The following CDK2AP1 variants were observed in gnomAD, a reference collection of about 807,000 sequenced individuals.
CDK2AP1 encodes cyclin dependent kinase 2 associated protein 1.
In CDK2AP1, 10 loss-of-function variants were observed where a neutral mutation model predicts 14.1. That is an observed-to-expected ratio of 0.71 (90% CI 0.44 to 1.20). The LOEUF (loss-of-function observed/expected upper bound fraction) is 1.20, where lower values mean the gene tolerates loss of function less well. Ranked by LOEUF, CDK2AP1 falls within the 50% of genes most tolerant of loss-of-function variation. The pLI is 0.00. For synonymous variants in CDK2AP1, 59 were observed against 59.8 expected (o/e 0.99, Z 0.06); for missense variants, 102 against 149.9 (o/e 0.68, Z 1.67).
At chr12:123,267,091 CTCCT>C (rs1234996452) in intron 2 of CDK2AP1, 90 bp downstream of exon 2, 4 of 816,182 alleles carry the variant, frequency 4.9e-6, no homozygotes, top group Non-Finnish European at 8.6e-6. Flanking sequence ...ATCCTTTCTG[CTCCT>C]TCGTCTCTTC....
intron 1 of CDK2AP1, chr12:123,268,358 G>A (rs11057222): frequency 0.058 from 21,951 of 379,800 alleles, 711 homozygotes; most frequent in South Asian, 0.11. Flanking sequence ...AGGGCCTCAA[G>A]CTGGGGGAGC....
rs1293438643 is a variant in CDK2AP1 at position 123,267,271 on chromosome 12, G to A, written c.67C>T (p.His23Tyr). The A allele has an allele frequency of 3.7e-6, 6 of 1,609,690 alleles. No individual in the cohort carries two copies. Among genetic ancestry groups the A allele is most frequent in the African/African-American group, 1.3e-5 (1 of 74,806 alleles). Residue 23 changes from histidine to tyrosine, a missense_variant, in exon 2 of 4, where the codon CAC becomes TAC. Physicochemically the swap from His to Tyr is moderately conservative, Grantham distance 83. Coordinates refer to ENST00000261692, the MANE Select transcript of CDK2AP1 (RefSeq NM_004642.4). ...AAALNAAGSV[H>Y]SPSTSMATSS... ...GTTGCCATGCTGGTGGAAGGCGAGT[G>A]GACACTCCCAGCTGTGGGGTGGGGA...
chr12:123,270,869 C>T (rs2048347470), intron 1 of CDK2AP1: 1 of 985,236 alleles, frequency 1.0e-6, no homozygotes, highest in East Asian at 1.1e-4. Flanking sequence ...GCGCCAACTT[C>T]GTTCACTCCG....
intron 1 of CDK2AP1, chr12:123,267,495 C>T (rs1184456214): frequency 8.0e-6 from 4 of 502,080 alleles, no homozygotes; most frequent in East Asian, 7.4e-5. Flanking sequence ...CTGCAGCAGC[C>T]GCTGGTCCTC....
At chr12:123,268,246 C>T (rs1480133790) in intron 1 of CDK2AP1, 3 of 985,434 alleles carry the variant, frequency 3.0e-6, no homozygotes, top group Non-Finnish European at 3.6e-6. Context: ...GTGGGCGCCG[C>T]AGACTTGGCC....
chr12:123,272,197 A>T (rs2048360361), upstream of CDK2AP1: 1 of 152,200 alleles, frequency 6.6e-6, no homozygotes, highest in Non-Finnish European at 1.5e-5. Context: ...AAGCACGTAG[A>T]TCATTCCAGA....
intron 3 of CDK2AP1, among the ~76,000 whole-genome samples, chr12:123,264,318 G>C (rs774692042): frequency 7.2e-5 from 11 of 151,742 alleles, no homozygotes; most frequent in Non-Finnish European, 1.3e-4. Flanking sequence ...AAATTAGACA[G>C]GTGTGGTGGC....
chr12:123,271,686 G>C lies in CDK2AP1; in HGVS notation c.-68C>G. On this transcript the variant is annotated 5_prime_UTR_variant, in exon 1 of 4. Coordinates refer to ENST00000261692, the MANE Select transcript of CDK2AP1 (RefSeq NM_004642.4). ...GCGAGGGCGGCGGCGGCGGCGGCGA[G>C]GCCGGGCGGTAGCGCTGCAGCCCCG... The C allele has an allele frequency of 1.6e-6, 1 of 608,072 alleles. No homozygotes were observed. Among genetic ancestry groups the C allele is most frequent in the Non-Finnish European group, 2.0e-6 (1 of 488,068 alleles). 37.7% of individuals were successfully genotyped at this position (608,072 alleles called of 1,614,324 possible). A position where few individuals can be genotyped will look rare whatever the true frequency, so the allele number is the denominator to read the frequency against.
intron 1 of CDK2AP1, among the ~76,000 whole-genome samples, chr12:123,268,912 G>T (rs1239702564): frequency 6.6e-6 from 1 of 152,210 alleles, no homozygotes; most frequent in Non-Finnish European, 1.5e-5. Context: ...ACAGACCTGG[G>T]TTCTGATCCT....
At chr12:123,267,069 A>G in intron 2 of CDK2AP1, 116 bp downstream of exon 2, 1 of 731,700 alleles carries the variant, frequency 1.4e-6, no homozygotes, top group South Asian at 1.5e-5. Context: ...TGGGCTGAGA[A>G]AGCTCCGTCC....
intron 3 of CDK2AP1, among the ~76,000 whole-genome samples, chr12:123,264,640 G>A (rs573630991): frequency 3.3e-5 from 5 of 152,024 alleles, no homozygotes; most frequent in South Asian, 2.1e-4. Context: ...GAAATCAGAC[G>A]GACAGTCACA....
In CDK2AP1 at chr12:123,265,237, G is replaced by A. The variant is rs1430015827; in HGVS notation, c.239C>T (p.Thr80Met). ...CATGGCACTCTTGCTCCCTGCGTAC[G>A]TGGGTCTGATCTCCTTCCCCAGCTC... ...IEELGKEIRP[T>M]YAGSKSAMER... The change falls in exon 3 of 4, where the codon ACG becomes ATG. Residue 80 changes from threonine to methionine, a missense_variant. Around this residue, in one of 2 missense-constraint regions of CDK2AP1, gnomAD observed 52 missense variants for 107.2 expected, o/e 0.48. Coordinates refer to ENST00000261692, the MANE Select transcript of CDK2AP1 (RefSeq NM_004642.4). The surrounding 1 kb of genome is among the most constrained non-coding windows in gnomAD (Gnocchi z 5.3). The A allele has an allele frequency of 8.1e-6, 13 of 1,614,054 alleles. No individual in the cohort carries two copies. Among genetic ancestry groups the A allele is most frequent in the East Asian group, 4.5e-5 (2 of 44,898 alleles).
intron 1 of CDK2AP1, chr12:123,270,991 G>C (rs1301229688): frequency 2.0e-6 from 2 of 982,900 alleles, no homozygotes; most frequent in African/African-American, 3.5e-5. Context: ...ACCCCATCCT[G>C]GTCCCAGTCC....
chr12:123,262,908 T>C (rs762237126), intron 3 of CDK2AP1, among the ~76,000 whole-genome samples: 2 of 152,060 alleles, frequency 1.3e-5, no homozygotes, highest in Non-Finnish European at 2.9e-5. Context: ...CAAAATCATT[T>C]TTTTTTTCAA....
intron 1 of CDK2AP1, among the ~76,000 whole-genome samples, chr12:123,271,317 G>A (rs2048352015): frequency 6.8e-6 from 1 of 146,894 alleles, no homozygotes; most frequent in Non-Finnish European, 1.5e-5. Context: ...CGCAGCCGCC[G>A]GCGCGGGGGT....
At position 123,265,230 on chromosome 12, in the gene CDK2AP1, T is replaced by C; in HGVS notation, c.246A>G (p.Ala82=). 6.2e-7 allele frequency: 1 copy of C among 1,614,182 alleles called. No homozygotes were observed. The highest frequency in any genetic ancestry group is 8.5e-7 in the Non-Finnish European group (1 of 1,180,026). Reference sequence around the variant, plus strand: ...GCCTCTCCATGGCACTCTTGCTCCCTGCGTACGTGGGTCTGATCTCCTTCC... The same window carrying C: ...GCCTCTCCATGGCACTCTTGCTCCCCGCGTACGTGGGTCTGATCTCCTTCC... ...ELGKEIRPTY[A]GSKSAMERLK... Residue 82 remains alanine, a synonymous_variant, in exon 3 of 4, where the codon GCA becomes GCG. Coordinates refer to ENST00000261692, the MANE Select transcript of CDK2AP1 (RefSeq NM_004642.4). This position sits in a 1 kb window ranked among gnomAD's most constrained non-coding sequence, Gnocchi z 5.3.
rs2048353911 is a variant in CDK2AP1 at position 123,271,569 on chromosome 12, T to C, written c.50A>G (p.Asn17Ser). ...GTCGCACGCGGCTCACTCACCGGCG[T>C]TGAGGGCGGCGGCGGGCATGTGCGC... ...LAAHMPAAAL[N>S]AAGSVHSPST... is the part of the protein sequence containing the mutation. Residue 17 changes from asparagine (N) to serine (S), a missense_variant, in exon 1 of 4, where the codon AAC becomes AGC. Transcript: ENST00000261692. 3.0e-6 allele frequency: 3 copies of C among 1,008,062 alleles called. No individual in the cohort carries two copies. Among genetic ancestry groups the C allele is most frequent in the South Asian group, 8.6e-5 (2 of 23,210 alleles). 62.4% of individuals were successfully genotyped at this position (1,008,062 alleles called of 1,614,324 possible). A position where few individuals can be genotyped will look rare whatever the true frequency, so the allele number is the denominator to read the frequency against.
intron 1 of CDK2AP1, among the ~76,000 whole-genome samples, chr12:123,269,407 G>A (rs1336407863): frequency 2.0e-5 from 3 of 152,250 alleles, no homozygotes; most frequent in Non-Finnish European, 2.9e-5. Flanking sequence ...CGGGGGCGGG[G>A]GGGTGTCTAG....
rs937628969 is a variant in CDK2AP1 at position 123,261,565 on chromosome 12, G to A, written c.*171C>T. On this transcript the variant is annotated 3_prime_UTR_variant, in exon 4 of 4. Coordinates refer to ENST00000261692, the MANE Select transcript of CDK2AP1 (RefSeq NM_004642.4). ...CTTAAAATGCAAATCCTAATTAACT[G>A]CAAAATCTTTTCTCAATCTTTGAGA... is the stretch of plus-strand genomic sequence containing the variant. 18 of 543,438 alleles carry A rather than the reference G, an allele frequency of 3.3e-5. No individual in the cohort carries two copies. The highest frequency in any genetic ancestry group is 5.0e-4 in the Middle Eastern group (1 of 2,018). The allele number at this position is 543,438 out of a possible 1,614,324, so 33.7% of individuals were successfully genotyped here. A position where few individuals can be genotyped will look rare whatever the true frequency, so the allele number is the denominator to read the frequency against.
Sources: allele counts gnomAD v4.1 joint callset (sites outside exome capture counted in the v4.1 genomes callset), GRCh38; gene constraint gnomAD v4.1.1; regional missense constraint gnomAD v4.1.1; non-coding constraint Gnocchi (gnomAD v3.1); transcripts MANE v1.5; gene names NCBI Gene and HGNC (gene_info 2026-07-23, HGNC 2026-07-21).